Variants in USP50 observed in about 807,000 individuals in gnomAD.
USP50 encodes the protein ubiquitin specific peptidase 50.
A neutral mutation model predicts 39.2 loss-of-function variants in USP50; 37 were observed. The ratio of observed to expected loss-of-function variants is 0.94; its 90% CI spans 0.73 to 1.24. USP50 has a LOEUF of 1.24. Among genes scored for constraint, USP50 ranks in the 50% most tolerant of loss-of-function variants. The pLI is 0.00. For missense variants in USP50, 374 were observed against 398.2 expected, an observed-to-expected ratio of 0.94 and a Z score of 0.52; for synonymous variants, 139 against 144.5, an observed-to-expected ratio of 0.96 and a Z score of 0.27.
chr15:50,509,230 T>TG (rs2052706591), intron 6 of USP50: 1 of 148,650 alleles, frequency 6.7e-6, no homozygotes. Context: ...GGTGGGAGGA[T>TG]GGCTCGAGCC....
At chr15:50,521,819 C>G (rs1009783527) in intron 6 of USP50, among the ~76,000 whole-genome samples, 2 of 152,188 alleles carry the variant, frequency 1.3e-5, no homozygotes, top group Non-Finnish European at 2.9e-5. Flanking sequence ...AAAACACTAG[C>G]TGGGCATAGT....
chr15:50,499,380 A>ATTGT (rs756328023), downstream of USP50: 1 of 217,988 alleles, frequency 4.6e-6, no homozygotes, highest in African/African-American at 2.8e-5. Context: ...TCTAAAAACT[A>ATTGT]TTGTTATCTT....
Position 50,529,810 on chromosome 15 carries a change from A to C in USP50, c.923T>G (p.Leu308Arg). The C allele has an allele frequency of 6.2e-7, 1 of 1,613,476 alleles. No homozygotes were observed. Among genetic ancestry groups the C allele is most frequent in the Middle Eastern group, 1.6e-4 (1 of 6,062 alleles). ...SIFRKYPKYN[L>R]CAVVNHFGDL... ...GTTTTTACTCACCACCACTGCACAGAGGTTGTATTTAGGATATTTCCGGAA... is the reference window on the plus strand; with the variant it reads ...GTTTTTACTCACCACCACTGCACAGCGGTTGTATTTAGGATATTTCCGGAA... The change falls in exon 6 of 7, where the codon CTC becomes CGC. Residue 308 changes from leucine to arginine, a missense_variant. Coordinates refer to ENST00000532404, the MANE Select transcript of USP50 (RefSeq NM_203494.5).
At chr15:50,500,971 T>G (rs1170652563) in intron 6 of USP50, 134 bp from the exon 7 acceptor site, 1 of 750,722 alleles carries the variant, frequency 1.3e-6, no homozygotes, top group East Asian at 2.8e-5. Context: ...ATTTTGTTGT[T>G]AAATCATGCA....
At chr15:50,524,936 G>A (rs3098197) in intron 6 of USP50, among the ~76,000 whole-genome samples, 28,216 of 151,900 alleles carry the variant, frequency 0.19, 3,380 homozygotes, top group East Asian at 0.47. Flanking sequence ...GTGGATATAC[G>A]TCCAAAGGAA....
At chr15:50,499,900 A>G (rs903168858), downstream of USP50, 1 of 152,162 alleles carries the variant, frequency 6.6e-6, no homozygotes, top group Admixed American at 6.6e-5. Context: ...CAAGACTAGT[A>G]TTCTCACATA....
chr15:50,503,714 T>A (rs1165057564), intron 6 of USP50: 1 of 152,220 alleles, frequency 6.6e-6, no homozygotes, highest in Admixed American at 6.5e-5. Context: ...GAACTTAATA[T>A]GAAAAGTATT....
In USP50 at chr15:50,543,608, G is replaced by A; in HGVS notation, c.434C>T (p.Ala145Val). 2 of 1,613,012 alleles carry A rather than the reference G, an allele frequency of 1.2e-6. No individual in the cohort carries two copies. Among genetic ancestry groups the A allele is most frequent in the Non-Finnish European group, 1.7e-6 (2 of 1,179,466 alleles). ...ATTAACTCTACTTACCTTTTTTAGAGCTTCATGAAGTTCATTTAGGACACA... is the reference window on the plus strand; with the variant it reads ...ATTAACTCTACTTACCTTTTTTAGAACTTCATGAAGTTCATTTAGGACACA... ...LICVLNELHE[A>V]LKKYHYSRRR... The change falls in exon 3 of 7, where the codon GCT becomes GTT. Residue 145 changes from alanine to valine, a missense_variant. Ala to Val is a moderately conservative substitution (Grantham distance 64). Transcript: ENST00000532404.
At chr15:50,529,503 T>C (rs545236949) in intron 6 of USP50, among the ~76,000 whole-genome samples, 15 of 152,266 alleles carry the variant, frequency 9.9e-5, no homozygotes, top group African/African-American at 3.1e-4. Flanking sequence ...GAAACAATTT[T>C]AAGCTGTTGG....
chr15:50,509,387 C>T (rs1200494483), intron 6 of USP50: 1 of 151,930 alleles, frequency 6.6e-6, no homozygotes, highest in Non-Finnish European at 1.5e-5. Flanking sequence ...CGCGGTGGCT[C>T]ATGTAATCCC....
In USP50 at chr15:50,516,142, C is replaced by G. The variant is rs1275864897; in HGVS notation, c.936+13655G>C. Among the ~76,000 whole-genome samples, 6 of 151,950 alleles carry G rather than the reference C, an allele frequency of 3.9e-5. No homozygotes were observed. The East Asian group carries it at 1.2e-3, about 29-fold the overall frequency. On this transcript the variant is annotated intron_variant, in intron 6 of 6. Coordinates refer to ENST00000532404, the MANE Select transcript of USP50 (RefSeq NM_203494.5). The stretch of plus-strand genomic sequence containing the variant: ...CCCCATGGTAACCACAAAGCCAAAA[C>G]CTAAAAAGAAAGGATTCAAATCATA...
intron 2 of USP50, 49 bp from the exon 3 acceptor site, chr15:50,543,842 G>C (rs1326827533): frequency 2.6e-6 from 4 of 1,539,912 alleles, no homozygotes; most frequent in Non-Finnish European, 3.5e-6. Context: ...TGAAAAGAAG[G>C]CACCTAATCA....
intron 5 of USP50, chr15:50,532,232 C>A (rs2052946794): frequency 2.2e-6 from 1 of 456,100 alleles, no homozygotes; most frequent in Admixed American, 2.3e-5. Context: ...ATGCTTCTGG[C>A]AAGAAGAAGG....
intron 4 of USP50, among the ~76,000 whole-genome samples, chr15:50,540,500 C>T (rs1027381698): frequency 6.6e-6 from 1 of 152,086 alleles, no homozygotes; most frequent in Non-Finnish European, 1.5e-5. Flanking sequence ...ACTATATTTC[C>T]AATTTTACAG....
chr15:50,529,346 C>T (rs1243015444), intron 6 of USP50, among the ~76,000 whole-genome samples: 2 of 135,662 alleles, frequency 1.5e-5, no homozygotes, highest in African/African-American at 5.4e-5. Context: ...CTCATCTCTA[C>T]TTTAAAAAAA....
At chr15:50,528,582 G>A (rs554978272) in intron 6 of USP50, among the ~76,000 whole-genome samples, 3 of 152,276 alleles carry the variant, frequency 2.0e-5, no homozygotes, top group African/African-American at 7.2e-5. Flanking sequence ...CTACATTAGA[G>A]TCTGCATTTG....
At chr15:50,495,577 C>G (rs989666923), downstream of USP50, among the ~76,000 whole-genome samples, 2 of 151,858 alleles carry the variant, frequency 1.3e-5, no homozygotes, top group Non-Finnish European at 2.9e-5. Flanking sequence ...GCTGGGATTA[C>G]AAGCATGAAC....
Position 50,523,053 on chromosome 15 carries a change from CTGTT to C in USP50, c.936+6740_936+6743del, listed in dbSNP as rs1376702921. 3.3e-5 allele frequency among the ~76,000 whole-genome samples: 5 copies of C among 152,030 alleles called. No individual in the cohort carries two copies. In the East Asian group the frequency reaches 5.8e-4, roughly 18 times the overall value. The stretch of plus-strand genomic sequence containing the variant: ...ATAGGAAAAGAAAAAGTGAAATTCT[CTGTT>C]TGCTGAGGACACGATCTTATATAGA... On this transcript the variant is annotated intron_variant, in intron 6 of 6. Coordinates refer to ENST00000532404, the MANE Select transcript of USP50 (RefSeq NM_203494.5).
At chr15:50,536,996 C>T (rs2052984939) in intron 5 of USP50, among the ~76,000 whole-genome samples, 1 of 152,008 alleles carries the variant, frequency 6.6e-6, no homozygotes. Context: ...CAAAACTATA[C>T]TGAAGGAAAA....
Sources: allele counts gnomAD v4.1 joint callset (sites outside exome capture counted in the v4.1 genomes callset), GRCh38; gene constraint gnomAD v4.1.1; transcripts MANE v1.5; gene names NCBI Gene and HGNC (gene_info 2026-07-23, HGNC 2026-07-21).